MAGI2: variants seen among roughly 807,000 people sequenced by gnomAD.
MAGI2 encodes membrane associated guanylate kinase, WW and PDZ domain containing 2.
In MAGI2, 35 loss-of-function variants were observed where a neutral mutation model predicts 133.3. The ratio of observed to expected loss-of-function variants is 0.26; its 90% CI spans 0.20 to 0.35. MAGI2 has a LOEUF of 0.35. MAGI2 is among the 10% of genes least tolerant of loss of function. The pLI is 1.00. For synonymous variants in MAGI2, 729 were observed against 710.6 expected (o/e 1.03, Z -0.41); for missense variants, 1,636 against 1,863.4 (o/e 0.88, Z 2.25).
chr7:78,617,838 A>T (rs1043655741), intron 3 of MAGI2: 13 of 152,034 alleles, frequency 8.6e-5, no homozygotes, highest in African/African-American at 3.1e-4. Context: ...CTACTTAGCA[A>T]TAAAAATGAG....
At chr7:78,384,242 T>A (rs959201895) in intron 6 of MAGI2, among the ~76,000 whole-genome samples, 3 of 152,148 alleles carry the variant, frequency 2.0e-5, no homozygotes, top group African/African-American at 7.2e-5. Flanking sequence ...GTAACATATT[T>A]TGTGAGACTT....
intron 1 of MAGI2, among the ~76,000 whole-genome samples, chr7:79,290,622 C>T (rs912319764): frequency 6.6e-6 from 1 of 151,720 alleles, no homozygotes; most frequent in Non-Finnish European, 1.5e-5. Flanking sequence ...CTAAATGTGG[C>T]CTTCATTTTT....
At chr7:78,781,251 C>A (rs994077870) in intron 2 of MAGI2, among the ~76,000 whole-genome samples, 1 of 151,678 alleles carries the variant, frequency 6.6e-6, no homozygotes, top group African/African-American at 2.4e-5. Context: ...TGGTGGCGGG[C>A]GCCTGTAGTC....
chr7:78,624,410 T>G (rs1385291564), intron 3 of MAGI2, among the ~76,000 whole-genome samples: 1 of 152,082 alleles, frequency 6.6e-6, no homozygotes, highest in Non-Finnish European at 1.5e-5. Context: ...GAATGGTTAA[T>G]GAAAGACTGG....
chr7:78,150,475 C>T (rs1417730279), intron 16 of MAGI2, among the ~76,000 whole-genome samples: 3 of 152,170 alleles, frequency 2.0e-5, no homozygotes, highest in African/African-American at 4.8e-5. Flanking sequence ...TGCAAAAGTG[C>T]CCTGCGGGCT....
intron 9 of MAGI2, among the ~76,000 whole-genome samples, chr7:78,257,099 G>C (rs776926622): frequency 2.0e-5 from 3 of 151,986 alleles, no homozygotes; most frequent in Non-Finnish European, 4.4e-5. Context: ...TCTATAGCAG[G>C]TAATTACAAA....
chr7:79,197,711 T>C lies in MAGI2; in HGVS notation c.302-190505A>G, dbSNP rs750838170. 1.3e-4 allele frequency among the ~76,000 whole-genome samples: 20 copies of C among 152,108 alleles called. 1 individual carries two copies. The South Asian group carries it at 1.5e-3, about 11-fold the overall frequency. On this transcript the variant is annotated intron_variant, in intron 1 of 21. Transcript: ENST00000354212. ...ATTTATTTCTTACAGTACTGGAGGC[T>C]GGGAAGTCCAAGGTGAAGGCTGTAC... is the stretch of plus-strand genomic sequence containing the variant.
At chr7:78,916,042 G>A (rs1798768091) in intron 2 of MAGI2, among the ~76,000 whole-genome samples, 3 of 152,084 alleles carry the variant, frequency 2.0e-5, no homozygotes, top group Admixed American at 2.0e-4. Flanking sequence ...CATAATCCTT[G>A]ATGCATAGTT....
At chr7:78,826,874 T>C (rs1348302824) in intron 2 of MAGI2, among the ~76,000 whole-genome samples, 3 of 152,080 alleles carry the variant, frequency 2.0e-5, no homozygotes, top group Non-Finnish European at 4.4e-5. Flanking sequence ...GTTACACACA[T>C]ACACACAACT....
At chr7:78,323,171 G>A (rs1298621341) in intron 9 of MAGI2, among the ~76,000 whole-genome samples, 1 of 152,020 alleles carries the variant, frequency 6.6e-6, no homozygotes, top group Non-Finnish European at 1.5e-5. Flanking sequence ...TGATCCCAGA[G>A]GTTTTCTAGG....
chr7:78,459,400 T>C (rs1789720811), intron 6 of MAGI2, among the ~76,000 whole-genome samples: 1 of 152,182 alleles, frequency 6.6e-6, no homozygotes, highest in African/African-American at 2.4e-5. Flanking sequence ...CTTTTTTAGT[T>C]ACATCTATGA....
chr7:79,037,760 T>G (rs1811257050), intron 1 of MAGI2, among the ~76,000 whole-genome samples: 1 of 152,222 alleles, frequency 6.6e-6, no homozygotes, highest in Non-Finnish European at 1.5e-5. Context: ...TGATATGTCA[T>G]GTAAGGCTAC....
chr7:78,514,965 A>G (rs1319388226), intron 4 of MAGI2, among the ~76,000 whole-genome samples: 1 of 152,178 alleles, frequency 6.6e-6, no homozygotes, highest in East Asian at 1.9e-4. Flanking sequence ...TTGTTGGCGA[A>G]GGTAGCTCTC....
intron 1 of MAGI2, among the ~76,000 whole-genome samples, chr7:79,382,751 T>G (rs963133704): frequency 6.6e-6 from 1 of 151,650 alleles, no homozygotes; most frequent in African/African-American, 2.4e-5. Context: ...GAATAGGTTT[T>G]TTCATTTTAG....
At chr7:78,121,658 A>AC (rs1407655236) in intron 20 of MAGI2, among the ~76,000 whole-genome samples, 1 of 152,294 alleles carries the variant, frequency 6.6e-6, no homozygotes, top group East Asian at 1.9e-4. Flanking sequence ...ACTTTGTAAA[A>AC]CCACCTTGGA....
chr7:78,356,267 G>A (rs1057121779), intron 7 of MAGI2, among the ~76,000 whole-genome samples: 2 of 152,122 alleles, frequency 1.3e-5, no homozygotes, highest in East Asian at 1.9e-4. Flanking sequence ...TGTATGTCTC[G>A]TCTCAAACTT....
At position 78,133,045 on chromosome 7, in the gene MAGI2, G is replaced by T; in HGVS notation, c.3047C>A (p.Thr1016Asn). Residue 1016 changes from threonine (T) to asparagine (N), a missense_variant, in exon 18 of 22, where the codon ACC becomes AAC. Thr to Asn is a moderately conservative substitution (Grantham distance 65). Around this residue, in one of 5 missense-constraint regions of MAGI2, gnomAD observed 920 missense variants for 1,093.5 expected, o/e 0.84. Coordinates refer to ENST00000354212, the MANE Select transcript of MAGI2 (RefSeq NM_012301.4). ...IIPQEELNSP[T>N]SAPSSEKQSP... ...CTGCTTCTCTGAGCTGGGTGCCGAG[G>T]TGGGGCTGTTGAGCTCTGCGATGGA... 1 of 1,576,300 alleles carries T rather than the reference G, an allele frequency of 6.3e-7. No individual in the cohort carries two copies. The highest frequency in any genetic ancestry group is 2.3e-5 in the East Asian group (1 of 43,672).
intron 6 of MAGI2, among the ~76,000 whole-genome samples, chr7:78,446,289 T>C (rs1788134937): frequency 6.6e-6 from 1 of 152,038 alleles, no homozygotes; most frequent in Non-Finnish European, 1.5e-5. Context: ...CAAGACTTAA[T>C]TTTTAAAATT....
intron 21 of MAGI2, among the ~76,000 whole-genome samples, chr7:78,062,022 C>T (rs900130062): frequency 9.9e-5 from 15 of 152,140 alleles, no homozygotes; most frequent in African/African-American, 3.1e-4. Context: ...ATACATCAGC[C>T]GGGAAAGGAA....
Sources: gnomAD v4.1 joint callset for allele counts (sites outside exome capture counted in the v4.1 genomes callset) on GRCh38, gnomAD v4.1.1 for gene constraint, gnomAD v4.1.1 regional missense constraint, MANE v1.5 for transcripts, NCBI Gene and HGNC (gene_info 2026-07-23, HGNC 2026-07-21) for gene names.